Variants in CELF2 observed in about 807,000 individuals in gnomAD.
CELF2 encodes the protein CUG triplet repeat RNA-binding protein 2.
Under a neutral mutation model 62.6 loss-of-function variants are expected in CELF2, and 8 were observed. The observed-to-expected ratio is 0.13, with a 90% CI of 0.07 to 0.23. The LOEUF is 0.23. CELF2 is among the 10% of genes least tolerant of loss of function. The probability of loss-of-function intolerance (pLI) is 1.00; values close to 1 mark genes in which losing one functional copy is unlikely to be tolerated. For missense variants in CELF2, 333 were observed against 671.0 expected, an observed-to-expected ratio of 0.50 and a Z score of 5.56; for synonymous variants, 258 against 250.0, an observed-to-expected ratio of 1.03 and a Z score of -0.30.
At chr10:11,322,638 G>T (rs1565989390) in intron 11 of CELF2, among the ~76,000 whole-genome samples, 1 of 147,614 alleles carries the variant, frequency 6.8e-6, no homozygotes, top group African/African-American at 2.5e-5. Flanking sequence ...GATACTCATG[G>T]TTTTTTTTTT....
the CELF2 span, among the ~76,000 whole-genome samples, chr10:10,684,010 G>GAA: frequency 1.3e-5 from 2 of 151,096 alleles, no homozygotes; most frequent in African/African-American, 4.9e-5. Flanking sequence ...CCCACCCACA[G>GAA]AAAAAAAAAT....
intron 2 of CELF2, among the ~76,000 whole-genome samples, chr10:10,949,070 G>T (rs983864077): frequency 1.3e-5 from 2 of 152,146 alleles, no homozygotes; most frequent in Non-Finnish European, 2.9e-5. Context: ...AATTGGAGGA[G>T]GTGAGGGGAC....
chr10:10,849,853 A>T (rs1253307990), intron 1 of CELF2, among the ~76,000 whole-genome samples: 1 of 151,772 alleles, frequency 6.6e-6, no homozygotes, highest in Non-Finnish European at 1.5e-5. Flanking sequence ...AAAAAAAAAA[A>T]ATTGGCCAGC....
At chr10:11,097,390 G>A (rs1286436392) in intron 1 of CELF2, 2 of 152,194 alleles carry the variant, frequency 1.3e-5, no homozygotes, top group Non-Finnish European at 2.9e-5. Flanking sequence ...AGAAAAGTCA[G>A]AAGATTGAAA....
In CELF2 at chr10:11,046,494, C is replaced by T. The variant is rs184110364; in HGVS notation, c.74+28331C>T. On this transcript the variant is annotated intron_variant, in intron 1 of 12. Coordinates refer to ENST00000633077, the MANE Select transcript of CELF2 (RefSeq NM_001326342.2). The surrounding 1 kb of genome is among the most constrained non-coding windows in gnomAD (Gnocchi z 4.6). ...AAAGTATATTAAGGTTCTCATTAGG[C>T]GCACTGCCTGATTCTCATTAAGACT... Among the ~76,000 whole-genome samples, 1 of 152,270 alleles carries T rather than the reference C, an allele frequency of 6.6e-6. No individual in the cohort carries two copies. The highest frequency in any genetic ancestry group is 1.9e-4 in the East Asian group (1 of 5,174).
At chr10:11,176,395 T>C (rs1204829545) in intron 2 of CELF2, among the ~76,000 whole-genome samples, 1 of 152,192 alleles carries the variant, frequency 6.6e-6, no homozygotes, top group Non-Finnish European at 1.5e-5. Flanking sequence ...TGTAGGGTCC[T>C]GAGGAAGAGC....
chr10:10,728,992 A>G, the CELF2 span, among the ~76,000 whole-genome samples: 36 of 152,378 alleles, frequency 2.4e-4, no homozygotes, highest in Middle Eastern at 6.8e-3. Flanking sequence ...ATTATAGAAC[A>G]TGTCGACAAA....
At chr10:11,113,268 A>G (rs1239267495) in intron 1 of CELF2, among the ~76,000 whole-genome samples, 1 of 152,196 alleles carries the variant, frequency 6.6e-6, no homozygotes, top group Non-Finnish European at 1.5e-5. Context: ...TGTTTTATTC[A>G]CTGTTAAATT....
chr10:10,609,875 G>A, the CELF2 span, among the ~76,000 whole-genome samples: 18 of 152,312 alleles, frequency 1.2e-4, no homozygotes, highest in African/African-American at 4.3e-4. Context: ...ATGCTTGGAA[G>A]AGCAATATAC....
chr10:10,920,059 C>T, intron 2 of CELF2: 2 of 1,110,122 alleles, frequency 1.8e-6, no homozygotes, highest in Non-Finnish European at 2.3e-6. Flanking sequence ...AAGAGAAGTA[C>T]TGTGCCATGT....
At chr10:10,704,968 CCCTTGAGG>C in the CELF2 span, among the ~76,000 whole-genome samples, 1 of 151,342 alleles carries the variant, frequency 6.6e-6, no homozygotes, top group African/African-American at 2.4e-5. Context: ...GTGGAAGGAT[CCCTTGAGG>C]CCAGGAATTG....
At chr10:10,790,583 G>A in the CELF2 span, among the ~76,000 whole-genome samples, 7 of 151,988 alleles carry the variant, frequency 4.6e-5, no homozygotes, top group African/African-American at 9.7e-5. Flanking sequence ...AAGATATTAC[G>A]GCAAGCAAGT....
At chr10:11,195,027 A>G (rs377063852) in intron 2 of CELF2, among the ~76,000 whole-genome samples, 42 of 152,326 alleles carry the variant, frequency 2.8e-4, no homozygotes, top group African/African-American at 1.0e-3. Flanking sequence ...TCAGTGTAGC[A>G]GAGACAGTAA....
intron 1 of CELF2, among the ~76,000 whole-genome samples, chr10:11,126,687 A>G (rs1316049403): frequency 6.6e-6 from 1 of 152,242 alleles, no homozygotes; most frequent in Non-Finnish European, 1.5e-5. Context: ...TAAAACAGTC[A>G]TATCTGTGAA....
chr10:11,220,142 TC>T lies in CELF2; in HGVS notation c.354+2637del, dbSNP rs1303945206. Among the ~76,000 whole-genome samples, 2 of 152,242 alleles carry T rather than the reference TC, an allele frequency of 1.3e-5. No homozygotes were observed. Among genetic ancestry groups the T allele is most frequent in the African/African-American group, 4.8e-5 (2 of 41,460 alleles). On this transcript the variant is annotated intron_variant, in intron 3 of 12. Transcript: ENST00000633077. This position sits in a 1 kb window ranked among gnomAD's most constrained non-coding sequence, Gnocchi z 4.4. Reference sequence around the variant, plus strand: ...AAAGCTTTTCTGGTTGTAATCATTTTCCTGTGGATAAAATCCATTAAAAAGT... The same window carrying T: ...AAAGCTTTTCTGGTTGTAATCATTTTCTGTGGATAAAATCCATTAAAAAGT...
chr10:10,752,706 AAG>A, the CELF2 span, among the ~76,000 whole-genome samples: 6 of 142,774 alleles, frequency 4.2e-5, no homozygotes, highest in South Asian at 4.5e-4. Context: ...AAAAAAAAAA[AAG>A]AAAGAAAAAG....
At chr10:10,686,310 T>TTG in the CELF2 span, among the ~76,000 whole-genome samples, 9,996 of 69,654 alleles carry the variant, frequency 0.14, 1,995 homozygotes, top group Middle Eastern at 0.2. Context: ...TTGGATTTTT[T>TTG]GGGGGGGGGG....
chr10:10,673,211 G>A, the CELF2 span, among the ~76,000 whole-genome samples: 5 of 151,956 alleles, frequency 3.3e-5, no homozygotes, highest in East Asian at 1.9e-4. Flanking sequence ...GATTTTCTAC[G>A]TAGACTACCA....
chr10:10,973,964 A>G (rs773743070), intron 2 of CELF2, among the ~76,000 whole-genome samples: 3 of 152,178 alleles, frequency 2.0e-5, no homozygotes, highest in Non-Finnish European at 4.4e-5. Flanking sequence ...TTTCCCCCAC[A>G]TCATTCTAAT....
Sources: allele counts gnomAD v4.1 joint callset (sites outside exome capture counted in the v4.1 genomes callset), GRCh38; gene constraint gnomAD v4.1.1; non-coding constraint Gnocchi (gnomAD v3.1); transcripts MANE v1.5; gene names NCBI Gene and HGNC (gene_info 2026-07-23, HGNC 2026-07-21).